The following MGAT5 variants were observed in gnomAD, a reference collection of about 807,000 sequenced individuals.
MGAT5 encodes alpha-1,6-mannosylglycoprotein 6-beta-N-acetylglucosaminyltransferase A.
MGAT5 carries 30 observed loss-of-function variants against 94.3 expected under a neutral mutation model. That is an observed-to-expected ratio of 0.32 (90% CI 0.24 to 0.43). MGAT5 has a LOEUF of 0.43. Among genes scored for constraint, MGAT5 ranks in the 20% least tolerant of loss-of-function variants. The pLI, the probability that MGAT5 is intolerant of heterozygous loss-of-function variation, is 1.00. For missense variants in MGAT5, 691 were observed against 905.5 expected (o/e 0.76, Z 3.04); for synonymous variants, 310 against 322.9 (o/e 0.96, Z 0.43).
intron 1 of MGAT5, among the ~76,000 whole-genome samples, chr2:134,256,297 G>A (rs1682958883): frequency 1.3e-5 from 2 of 152,148 alleles, no homozygotes; most frequent in East Asian, 1.9e-4. Flanking sequence ...AAAGCTGATT[G>A]TCACCATTAG....
intron 2 of MGAT5, among the ~76,000 whole-genome samples, chr2:134,302,662 A>G (rs1400855366): frequency 1.3e-5 from 2 of 151,720 alleles, no homozygotes; most frequent in African/African-American, 2.4e-5. Flanking sequence ...TTTCAAAGAC[A>G]TAAATATAGA....
chr2:134,283,958 G>A (rs890792411), intron 2 of MGAT5, among the ~76,000 whole-genome samples: 5 of 152,250 alleles, frequency 3.3e-5, no homozygotes, highest in Non-Finnish European at 1.5e-5. Flanking sequence ...GCTAGAGACT[G>A]TGAGCCCTAG....
chr2:134,374,217 C>T (rs996259700), intron 10 of MGAT5, among the ~76,000 whole-genome samples: 4 of 152,250 alleles, frequency 2.6e-5, no homozygotes, highest in South Asian at 2.1e-4. Context: ...GACCTCTTTC[C>T]GGTGGCTGTT....
intron 13 of MGAT5, 81 bp from the exon 14 acceptor site, chr2:134,428,284 T>A: frequency 7.6e-7 from 1 of 1,308,528 alleles, no homozygotes; most frequent in Non-Finnish European, 1.1e-6. Flanking sequence ...AGCACCCGTG[T>A]ATTGAGTGAG....
chr2:134,203,221 A>G (rs1322109912), intron 1 of MGAT5, among the ~76,000 whole-genome samples: 1 of 152,228 alleles, frequency 6.6e-6, no homozygotes, highest in Admixed American at 6.5e-5. Context: ...TTTCCTGACC[A>G]GTGGGGTCTT....
At chr2:134,317,263 C>A (rs1348198876) in intron 2 of MGAT5, among the ~76,000 whole-genome samples, 1 of 152,126 alleles carries the variant, frequency 6.6e-6, no homozygotes, top group African/African-American at 2.4e-5. Flanking sequence ...AGTAAGCGCT[C>A]TGGTTGGCTT....
intron 11 of MGAT5, among the ~76,000 whole-genome samples, chr2:134,406,697 C>A (rs1418710212): frequency 2.0e-5 from 3 of 146,668 alleles, no homozygotes; most frequent in African/African-American, 7.6e-5. Context: ...CCAGCCTGGG[C>A]AACATGGCAA....
chr2:134,307,621 A>G (rs1686410678), intron 2 of MGAT5, among the ~76,000 whole-genome samples: 1 of 151,856 alleles, frequency 6.6e-6, no homozygotes, highest in South Asian at 2.1e-4. Context: ...TTCCAACCGT[A>G]TTTCTTACTA....
intron 2 of MGAT5, among the ~76,000 whole-genome samples, chr2:134,314,085 C>T (rs1407580486): frequency 1.3e-5 from 2 of 152,154 alleles, no homozygotes; most frequent in African/African-American, 4.8e-5. Flanking sequence ...TCCTTATGAG[C>T]TATGGTGTGA....
intron 2 of MGAT5, 100 bp downstream of exon 2, chr2:134,270,650 T>C: frequency 8.6e-7 from 1 of 1,169,310 alleles, no homozygotes; most frequent in Admixed American, 2.9e-5. Flanking sequence ...ACCTGCATAA[T>C]ATAAATTCTA....
At chr2:134,324,247 T>C (rs1001232159) in intron 4 of MGAT5, among the ~76,000 whole-genome samples, 1 of 152,154 alleles carries the variant, frequency 6.6e-6, no homozygotes, top group African/African-American at 2.4e-5. Context: ...TGCCCAGTGA[T>C]TGATTGCTAG....
At chr2:134,424,258 T>C (rs529958025) in intron 13 of MGAT5, among the ~76,000 whole-genome samples, 17 of 152,266 alleles carry the variant, frequency 1.1e-4, no homozygotes, top group African/African-American at 3.9e-4. Flanking sequence ...TCTTACCCTC[T>C]GGGAAACAGA....
intron 1 of MGAT5, among the ~76,000 whole-genome samples, chr2:134,261,316 T>C (rs893676520): frequency 6.6e-6 from 1 of 152,146 alleles, no homozygotes; most frequent in African/African-American, 2.4e-5. Context: ...CCTCTGCTTC[T>C]TCCCAGCTGT....
intron 8 of MGAT5, among the ~76,000 whole-genome samples, chr2:134,348,470 A>G (rs1340499810): frequency 6.6e-6 from 1 of 152,196 alleles, no homozygotes; most frequent in East Asian, 1.9e-4. Context: ...ATCTCTAATG[A>G]CAAAACTAGC....
In MGAT5 at chr2:134,454,403, G is replaced by A. The variant is rs906166193; in HGVS notation, c.*5556G>A. Reference sequence around the variant, plus strand: ...CTGTAGTTGCTGTCACAACCTTGACGTCTTTAAGCTAATGGCCGTTTGCAT... The same window carrying A: ...CTGTAGTTGCTGTCACAACCTTGACATCTTTAAGCTAATGGCCGTTTGCAT... On this transcript the variant is annotated 3_prime_UTR_variant, in exon 16 of 16. Transcript: ENST00000281923. The A allele has an allele frequency of 5.3e-5, 8 of 152,166 alleles. No homozygotes were observed. The highest frequency in any genetic ancestry group is 8.8e-5 in the Non-Finnish European group (6 of 68,024). The allele number at this position is 152,166 out of a possible 1,614,324, so 9.4% of individuals were successfully genotyped here.
intron 4 of MGAT5, among the ~76,000 whole-genome samples, chr2:134,333,315 T>A (rs537761044): frequency 3.8e-4 from 57 of 151,706 alleles, no homozygotes; most frequent in Non-Finnish European, 5.7e-4. Flanking sequence ...ATCATCATTC[T>A]CAGTAAACTA....
At chr2:134,259,069 C>G (rs980412667) in intron 1 of MGAT5, among the ~76,000 whole-genome samples, 2 of 152,228 alleles carry the variant, frequency 1.3e-5, no homozygotes, top group Admixed American at 1.3e-4. Flanking sequence ...TTTGGCAACT[C>G]CAAAGTGATA....
At chr2:134,346,005 A>G (rs1044813816) in intron 8 of MGAT5, among the ~76,000 whole-genome samples, 1 of 152,224 alleles carries the variant, frequency 6.6e-6, no homozygotes, top group Non-Finnish European at 1.5e-5. Context: ...TGTAAATGGC[A>G]CATAAATATA....
chr2:134,413,347 G>C (rs1231107851), intron 12 of MGAT5, among the ~76,000 whole-genome samples: 2 of 152,218 alleles, frequency 1.3e-5, no homozygotes, highest in Non-Finnish European at 2.9e-5. Context: ...GCAGATACTT[G>C]TGAAGAATCT....
Sources: allele counts gnomAD v4.1 joint callset (sites outside exome capture counted in the v4.1 genomes callset), GRCh38; gene constraint gnomAD v4.1.1; transcripts MANE v1.5; gene names NCBI Gene and HGNC (gene_info 2026-07-23, HGNC 2026-07-21).